The following NRK variants were observed in gnomAD, a reference collection of about 807,000 sequenced individuals.
NRK encodes the protein Nik related kinase.
A neutral mutation model predicts 125.2 loss-of-function variants in NRK; 67 were observed. The observed-to-expected ratio is 0.54, with a 90% CI of 0.44 to 0.66. NRK has a LOEUF of 0.66. NRK is among the 30% of genes least tolerant of loss of function. The probability of loss-of-function intolerance (pLI) is 0.00; values close to 1 mark genes in which losing one functional copy is unlikely to be tolerated. For synonymous variants in NRK, 458 were observed against 429.0 expected (o/e 1.07, Z -0.84); for missense variants, 1,224 against 1,192.9 (o/e 1.03, Z -0.38).
intron 19 of NRK, among the ~76,000 whole-genome samples, chrX:105,929,558 T>G (rs1408753671): frequency 9.8e-5 from 11 of 111,752 alleles, no homozygotes; most frequent in Admixed American, 9.5e-4. Flanking sequence ...TTTCGTTAAT[T>G]GTTTCTGGTT....
intron 23 of NRK, among the ~76,000 whole-genome samples, chrX:105,940,652 G>A (rs1426068636): frequency 9.0e-6 from 1 of 111,520 alleles, no homozygotes; most frequent in Non-Finnish European, 1.9e-5. Flanking sequence ...CATCCACTGT[G>A]AAAGGATGTA....
intron 19 of NRK, among the ~76,000 whole-genome samples, 196 bp from the exon 20 acceptor site, chrX:105,934,062 C>T (rs762377014): frequency 9.0e-6 from 1 of 111,212 alleles, no homozygotes; most frequent in East Asian, 2.9e-4. Context: ...TTCTCCTGTA[C>T]CATCAGTCAT....
chrX:105,898,862 G>C (rs781413495), intron 8 of NRK, 148 bp downstream of exon 8: 14 of 430,588 alleles, frequency 3.3e-5, no homozygotes, highest in Non-Finnish European at 5.2e-5. Context: ...CTCTATTTCG[G>C]TAAGTGGTTT....
At chrX:105,930,958 G>T (rs2040587347) in intron 19 of NRK, among the ~76,000 whole-genome samples, 1 of 112,116 alleles carries the variant, frequency 8.9e-6, no homozygotes, top group Non-Finnish European at 1.9e-5. Context: ...CACATGCGGT[G>T]GGTTGGGTGG....
In NRK at chrX:105,917,679, C is replaced by G. The variant is rs1257430341; in HGVS notation, c.2512+7C>G. ...AATTGGCTGGCAGCATCAGGTGATT[C>G]AAAGCACAAAATTTTAGCAGGCAAA... On this transcript the variant is annotated splice_region_variant and intron_variant, in intron 16 of 28. Coordinates refer to ENST00000243300, the MANE Select transcript of NRK (RefSeq NM_198465.4). 6.7e-6 allele frequency: 7 copies of G among 1,047,278 alleles called. No individual in the cohort carries two copies. The highest frequency in any genetic ancestry group is 5.1e-4 in the Middle Eastern group (2 of 3,920). 86.3% of individuals were successfully genotyped at this position (1,047,278 alleles called of 1,213,427 possible).
chrX:105,861,416 G>A (rs1183678451), intron 2 of NRK, among the ~76,000 whole-genome samples: 3 of 111,887 alleles, frequency 2.7e-5, no homozygotes, highest in African/African-American at 9.8e-5. Flanking sequence ...GGTTATTTGG[G>A]CCTTTAATAT....
chrX:105,826,531 C>G (rs2039115429), intron 1 of NRK, among the ~76,000 whole-genome samples: 1 of 104,678 alleles, frequency 9.6e-6, no homozygotes, highest in Non-Finnish European at 1.9e-5. Flanking sequence ...TGACATTCCT[C>G]ACGGCTGTGG....
chrX:105,866,680 CA>C (rs2039675967), intron 2 of NRK, among the ~76,000 whole-genome samples: 1 of 111,466 alleles, frequency 9.0e-6, no homozygotes, highest in Non-Finnish European at 1.9e-5. Flanking sequence ...AATGTGAACT[CA>C]AAAAATGTAT....
chrX:105,911,063 G>T (rs1288186441), intron 13 of NRK, among the ~76,000 whole-genome samples: 2 of 111,163 alleles, frequency 1.8e-5, no homozygotes, highest in Non-Finnish European at 3.8e-5. Context: ...AATGCTAAAC[G>T]TGCTGCAAGC....
In NRK at chrX:105,944,004, G is replaced by T. The variant is rs1414323773; in HGVS notation, c.4022G>T (p.Trp1341Leu). ...AAATCATCAATTCACCTTTATGCAT[G>T]GGCACCAAAGTCCTTTGATGAAAGC... The part of the protein sequence containing the change: ...ALKSSIHLYA[W>L]APKSFDESTA... Residue 1341 changes from tryptophan to leucine, a missense_variant, in exon 24 of 29, where the codon TGG (tryptophan) becomes TTG (leucine). Physicochemically the swap from Trp to Leu is moderately conservative, Grantham distance 61. Coordinates refer to ENST00000243300, the MANE Select transcript of NRK (RefSeq NM_198465.4). 1 of 1,164,954 alleles carries T rather than the reference G, an allele frequency of 8.6e-7. No homozygotes were observed. Among genetic ancestry groups the T allele is most frequent in the African/African-American group, 1.8e-5 (1 of 56,364 alleles).
At chrX:105,935,423 C>T in intron 21 of NRK, 98 bp downstream of exon 21, 1 of 536,738 alleles carries the variant, frequency 1.9e-6, no homozygotes, top group African/African-American at 2.4e-5. Flanking sequence ...CAAGTCATTA[C>T]AATAAAAATA....
chrX:105,822,828 G>A lies in NRK; in HGVS notation c.-18G>A. 1.7e-6 allele frequency: 2 copies of A among 1,167,904 alleles called. No individual in the cohort carries two copies. Among genetic ancestry groups the A allele is most frequent in the South Asian group, 1.9e-5 (1 of 52,791 alleles). ...GCACCCAATTCAGTCGCCCGCTCCCGTTCGGCTCCTCGAAGCCATGGCGGG... is the reference window on the plus strand; with the variant it reads ...GCACCCAATTCAGTCGCCCGCTCCCATTCGGCTCCTCGAAGCCATGGCGGG... On this transcript the variant is annotated 5_prime_UTR_variant, in exon 1 of 29. Coordinates refer to ENST00000243300, the MANE Select transcript of NRK (RefSeq NM_198465.4).
intron 9 of NRK, among the ~76,000 whole-genome samples, chrX:105,904,306 C>A (rs753142541): frequency 3.0e-4 from 33 of 111,628 alleles, no homozygotes; most frequent in Non-Finnish European, 4.1e-4. Flanking sequence ...ATAGAAAAAA[C>A]CAAATTTCCC....
At chrX:105,889,986 C>T (rs1261303565) in intron 5 of NRK, among the ~76,000 whole-genome samples, 1 of 112,245 alleles carries the variant, frequency 8.9e-6, no homozygotes, top group Non-Finnish European at 1.9e-5. Context: ...CTGCATTTGG[C>T]TTGAATTTCT....
chrX:105,908,873 G>GT lies in NRK; in HGVS notation c.1232_1233insT (p.Ala412SerfsTer16), dbSNP rs759556051. The GT allele has an allele frequency of 3.3e-6, 4 of 1,210,425 alleles. No homozygotes were observed. Among genetic ancestry groups the GT allele is most frequent in the Non-Finnish European group, 3.4e-6 (3 of 894,618 alleles). On this transcript the variant is annotated frameshift_variant, in exon 13 of 29. Coordinates refer to ENST00000243300, the MANE Select transcript of NRK (RefSeq NM_198465.4). LOFTEE classifies it high-confidence loss of function. ...GTCCAGGCACTTCAGCAGCTACAGG[G>GT]AGCAGCCAGGGTATTCATGCCACTG...
intron 23 of NRK, 143 bp from the exon 24 acceptor site, chrX:105,943,798 C>T (rs1030021661): frequency 2.5e-6 from 1 of 406,160 alleles, no homozygotes; most frequent in Non-Finnish European, 4.3e-6. Flanking sequence ...TTGTGGGCAT[C>T]AAATTGTAAC....
rs1204761152 is a variant in NRK at position 105,923,891 on chromosome X, C to CTATATATATATATATATA, written c.2975+427_2975+444dup. 2.5e-4 allele frequency among the ~76,000 whole-genome samples: 12 copies of CTATATATATATATATATA among 47,845 alleles called. 1 individual carries two copies. The highest frequency in any genetic ancestry group is 3.9e-4 in the Non-Finnish European group (10 of 25,652). The allele number at this position is 47,845 out of a possible 115,157, so 41.5% of individuals were successfully genotyped here. ...CATTTCTCAAACTTTTGTGATATCA[C>CTATATATATATATATATA]TATATATATATATATATATATATAT... On this transcript the variant is annotated intron_variant, in intron 18 of 28. Coordinates refer to ENST00000243300, the MANE Select transcript of NRK (RefSeq NM_198465.4).
At chrX:105,932,284 T>C (rs2040605433) in intron 19 of NRK, among the ~76,000 whole-genome samples, 2 of 112,031 alleles carry the variant, frequency 1.8e-5, no homozygotes, top group Middle Eastern at 4.6e-3. Context: ...AGCGCTGCTG[T>C]GAACATTGAT....
intron 26 of NRK, 79 bp downstream of exon 26, chrX:105,946,543 G>A (rs1042207381): frequency 3.9e-5 from 29 of 745,205 alleles, no homozygotes; most frequent in Non-Finnish European, 5.6e-5. Flanking sequence ...ACTCTGAAAG[G>A]TTTAAAAATA....
Sources: gnomAD v4.1 joint callset for allele counts (sites outside exome capture counted in the v4.1 genomes callset) on GRCh38, gnomAD v4.1.1 for gene constraint, MANE v1.5 for transcripts, NCBI Gene and HGNC (gene_info 2026-07-23, HGNC 2026-07-21) for gene names.